Variants in FAAH2 observed in about 807,000 individuals in gnomAD.
FAAH2 encodes fatty acid amide hydrolase 2.
Under a neutral mutation model 36.9 loss-of-function variants are expected in FAAH2, and 60 were observed. The observed-to-expected ratio is 1.63, with a 90% CI of 1.32 to 2.02. FAAH2 has a LOEUF of 2.02. Ranked by LOEUF, FAAH2 falls within the 30% of genes most tolerant of loss-of-function variation. The probability of loss-of-function intolerance (pLI) is 0.00; values close to 1 mark genes in which losing one functional copy is unlikely to be tolerated. For synonymous variants in FAAH2, 214 were observed against 143.8 expected (o/e 1.49, Z -3.49); for missense variants, 689 against 397.5 (o/e 1.73, Z -6.23).
chrX:57,173,572 C>A, the FAAH2 span, among the ~76,000 whole-genome samples: 1 of 111,736 alleles, frequency 8.9e-6, no homozygotes, highest in Non-Finnish European at 1.9e-5. Context: ...TTATTTCTTT[C>A]TCTCACCTGG....
intron 5 of FAAH2, among the ~76,000 whole-genome samples, chrX:57,375,357 T>TC (rs1472822818): frequency 2.8e-5 from 3 of 106,873 alleles, no homozygotes; most frequent in Admixed American, 1.0e-4. Flanking sequence ...ACTGCACTTT[T>TC]TTTTTTTTTT....
chrX:57,468,940 T>C (rs1265436116), intron 10 of FAAH2, among the ~76,000 whole-genome samples: 1 of 111,832 alleles, frequency 8.9e-6, no homozygotes, highest in African/African-American at 3.3e-5. Flanking sequence ...TGGGGGCCAA[T>C]TTTCAACATT....
intron 5 of FAAH2, among the ~76,000 whole-genome samples, chrX:57,347,639 C>CTGT (rs1483403490): frequency 2.3e-5 from 1 of 44,042 alleles, no homozygotes; most frequent in African/African-American, 1.3e-4. Flanking sequence ...TTTTTTTTTG[C>CTGT]TGTTGTTGTT....
At chrX:57,268,798 A>G in the FAAH2 span, among the ~76,000 whole-genome samples, 4 of 112,239 alleles carry the variant, frequency 3.6e-5, no homozygotes, top group Non-Finnish European at 7.5e-5. Context: ...ACTGAAGTAC[A>G]CAAACCAGTG....
At chrX:57,423,966 T>C (rs1000312984) in intron 7 of FAAH2, among the ~76,000 whole-genome samples, 4 of 111,280 alleles carry the variant, frequency 3.6e-5, no homozygotes, top group Non-Finnish European at 7.5e-5. Context: ...GCATAGTCCA[T>C]TACAACATCG....
At chrX:57,389,308 A>G (rs1602501671) in intron 7 of FAAH2, among the ~76,000 whole-genome samples, 1 of 103,045 alleles carries the variant, frequency 9.7e-6, no homozygotes, top group Non-Finnish European at 2.0e-5. Flanking sequence ...ATATATATAC[A>G]TATATAATAT....
the FAAH2 span, among the ~76,000 whole-genome samples, chrX:57,245,724 G>A: frequency 8.9e-6 from 1 of 112,504 alleles, no homozygotes; most frequent in African/African-American, 3.2e-5. Flanking sequence ...CACAGCTACA[G>A]CCATGTTTAG....
chrX:57,433,899 A>C (rs2147120678), intron 8 of FAAH2, among the ~76,000 whole-genome samples: 1 of 111,512 alleles, frequency 9.0e-6, no homozygotes, highest in South Asian at 3.7e-4. Context: ...ACAATCCCCT[A>C]TTCCCCTGGT....
the FAAH2 span, among the ~76,000 whole-genome samples, chrX:57,131,490 G>A: frequency 6.2e-5 from 7 of 112,060 alleles, no homozygotes; most frequent in Non-Finnish European, 1.3e-4. Context: ...TTATGCTTGT[G>A]TTTGGGTGAA....
chrX:57,386,449 C>T (rs1263190601), intron 7 of FAAH2, among the ~76,000 whole-genome samples: 5 of 111,434 alleles, frequency 4.5e-5, no homozygotes, highest in Non-Finnish European at 9.4e-5. Context: ...TGGTACTTTC[C>T]TGGCGAGCTG....
chrX:57,413,085 G>A (rs762796065), intron 7 of FAAH2, among the ~76,000 whole-genome samples: 31 of 111,745 alleles, frequency 2.8e-4, no homozygotes, highest in African/African-American at 7.8e-4. Context: ...TTTTTTTCTT[G>A]TAAAGCTGTT....
the FAAH2 span, among the ~76,000 whole-genome samples, chrX:57,198,379 C>T: frequency 1.8e-5 from 2 of 111,653 alleles, no homozygotes; most frequent in East Asian, 5.7e-4. Context: ...CAGGCCTCAC[C>T]CAACTCCCAT....
At chrX:57,345,236 G>A (rs181549138) in intron 5 of FAAH2, among the ~76,000 whole-genome samples, 126 of 105,859 alleles carry the variant, frequency 1.2e-3, no homozygotes, top group Non-Finnish European at 2.0e-3. Context: ...ATTCCTGGTA[G>A]ACTTCAGCTG....
chrX:57,373,986 C>T (rs1181444019), intron 5 of FAAH2, among the ~76,000 whole-genome samples: 1 of 111,129 alleles, frequency 9.0e-6, no homozygotes, highest in Non-Finnish European at 1.9e-5. Flanking sequence ...GTCCTTTTCC[C>T]ACTTTAGGTT....
At chrX:57,262,795 A>G in the FAAH2 span, among the ~76,000 whole-genome samples, 3 of 111,783 alleles carry the variant, frequency 2.7e-5, no homozygotes, top group Admixed American at 2.9e-4. Context: ...CAAAGATACA[A>G]GGCTGGTTCA....
the FAAH2 span, among the ~76,000 whole-genome samples, chrX:57,148,205 G>A: frequency 1.3e-4 from 15 of 111,215 alleles, no homozygotes; most frequent in East Asian, 1.1e-3. Context: ...TGATGCCTCC[G>A]GCTTTGTTCT....
chrX:57,142,755 T>C, the FAAH2 span, among the ~76,000 whole-genome samples: 12 of 112,037 alleles, frequency 1.1e-4, no homozygotes, highest in Non-Finnish European at 1.9e-5. Context: ...TCTTTAGTTG[T>C]ACTAATATTT....
intron 7 of FAAH2, among the ~76,000 whole-genome samples, chrX:57,383,543 A>G (rs2054917984): frequency 8.9e-6 from 1 of 111,892 alleles, no homozygotes; most frequent in Admixed American, 9.5e-5. Context: ...AGAAACAGAG[A>G]ACCAAATCAT....
intron 10 of FAAH2, among the ~76,000 whole-genome samples, chrX:57,481,376 A>T (rs1200054780): frequency 9.0e-6 from 1 of 110,907 alleles, no homozygotes; most frequent in Non-Finnish European, 1.9e-5. Context: ...ATCTTCATGT[A>T]TTTATTTACC....
Sources: allele counts gnomAD v4.1 joint callset (sites outside exome capture counted in the v4.1 genomes callset), GRCh38; gene constraint gnomAD v4.1.1; transcripts MANE v1.5; gene names NCBI Gene and HGNC (gene_info 2026-07-23, HGNC 2026-07-21).